The following FOXN3 variants were observed in gnomAD, a reference collection of about 807,000 sequenced individuals.
FOXN3 encodes forkhead box protein N3.
In FOXN3, 7 loss-of-function variants were observed where a neutral mutation model predicts 38.4. The ratio of observed to expected loss-of-function variants is 0.18; its 90% confidence interval spans 0.10 to 0.34. The LOEUF (loss-of-function observed/expected upper bound fraction) is 0.34, where lower values mean the gene tolerates loss of function less well. Among genes scored for constraint, FOXN3 ranks in the 10% least tolerant of loss-of-function variants. The pLI is 1.00. For missense variants in FOXN3, 456 were observed against 613.4 expected (o/e 0.74, Z 2.71); for synonymous variants, 230 against 242.2 (o/e 0.95, Z 0.47).
In FOXN3 at chr14:89,511,237, C is replaced by CTTTCT. The variant is rs1894074817; in HGVS notation, c.-14-98748_-14-98747insAGAAA. 3.1e-4 allele frequency among the ~76,000 whole-genome samples: 8 copies of CTTTCT among 25,756 alleles called. 1 individual carries two copies. Among genetic ancestry groups the CTTTCT allele is most frequent in the Admixed American group, 6.0e-4 (1 of 1,666 alleles). The allele number at this position is 25,756 out of a possible 152,430, so 16.9% of individuals were successfully genotyped here. A position where few individuals can be genotyped will look rare whatever the true frequency, so the allele number is the denominator to read the frequency against. On this transcript the variant is annotated intron_variant, in intron 1 of 6. Coordinates refer to the FOXN3 transcript ENST00000345097. ...TTTCTTTCTTTCTTTCTTTTCTTTC[C>CTTTCT]TTTTCTTTCTTTTCTTTCTTTCTTT...
intron 4 of FOXN3, among the ~76,000 whole-genome samples, chr14:89,229,839 C>T (rs1034025286): frequency 3.3e-5 from 5 of 152,200 alleles, no homozygotes; most frequent in African/African-American, 1.2e-4. Context: ...ACCGACCAAA[C>T]CGAAGGATGT....
At chr14:89,532,176 T>C (rs1894584671) in intron 1 of FOXN3, among the ~76,000 whole-genome samples, 1 of 152,140 alleles carries the variant, frequency 6.6e-6, no homozygotes, top group Non-Finnish European at 1.5e-5. Flanking sequence ...GCTTAGAGAA[T>C]GAGAAGTAAC....
At chr14:89,610,761 T>C (rs946408887) in intron 1 of FOXN3, among the ~76,000 whole-genome samples, 1 of 152,210 alleles carries the variant, frequency 6.6e-6, no homozygotes, top group Non-Finnish European at 1.5e-5. Context: ...ATCCCTATCA[T>C]AGGGCACAGT....
rs144264875 is a variant in FOXN3 at position 89,254,848 on chromosome 14, C to T, written c.745+26102G>A. Among the ~76,000 whole-genome samples, 831 of 152,294 alleles carry T rather than the reference C, an allele frequency of 5.5e-3. 1 individual carries two copies. The highest frequency in any genetic ancestry group is 8.1e-3 in the Non-Finnish European group (551 of 68,026). On this transcript the variant is annotated intron_variant, in intron 4 of 5. Coordinates refer to ENST00000557258, the MANE Select transcript of FOXN3 (RefSeq NM_005197.4). ...GAGTGCTCAAGGCCACCTTCTCTGA[C>T]CACACCTTTGCCACTGCGGCCCAGC...
At chr14:89,349,928 TA>T (rs1302662001) in intron 3 of FOXN3, among the ~76,000 whole-genome samples, 1 of 152,230 alleles carries the variant, frequency 6.6e-6, no homozygotes. Flanking sequence ...CATTTTTAAA[TA>T]TTTTTTTGTA....
intron 4 of FOXN3, among the ~76,000 whole-genome samples, chr14:89,267,717 T>C (rs945561818): frequency 1.3e-5 from 2 of 152,184 alleles, no homozygotes; most frequent in Non-Finnish European, 2.9e-5. Flanking sequence ...GACTCAAAAT[T>C]GTTCACAATG....
chr14:89,560,103 G>T (rs759902876), intron 1 of FOXN3, among the ~76,000 whole-genome samples: 20 of 152,214 alleles, frequency 1.3e-4, no homozygotes, highest in Admixed American at 5.9e-4. Flanking sequence ...AGGTGAAGGG[G>T]AAGCAGGCAA....
chr14:89,359,234 T>C (rs2140023263), intron 2 of FOXN3, among the ~76,000 whole-genome samples: 1 of 151,782 alleles, frequency 6.6e-6, no homozygotes, highest in East Asian at 1.9e-4. Context: ...AGGTGGAGGT[T>C]GCAGTGAGCC....
intron 4 of FOXN3, among the ~76,000 whole-genome samples, chr14:89,204,161 G>A (rs1475258549): frequency 6.6e-6 from 1 of 151,532 alleles, no homozygotes; most frequent in African/African-American, 2.4e-5. Flanking sequence ...AGAAACCCGA[G>A]CTTCAGGCAC....
At chr14:89,474,208 C>A (rs1384151309) in intron 1 of FOXN3, among the ~76,000 whole-genome samples, 1 of 152,136 alleles carries the variant, frequency 6.6e-6, no homozygotes, top group East Asian at 1.9e-4. Context: ...AATAACTATA[C>A]CATGATCTAA....
chr14:89,528,344 GA>G (rs1894472822), intron 1 of FOXN3, among the ~76,000 whole-genome samples: 1 of 131,444 alleles, frequency 7.6e-6, no homozygotes, highest in Non-Finnish European at 1.6e-5. Context: ...AAAGAGGATA[GA>G]AGTGTTCATC....
At chr14:89,529,646 G>T (rs763108660) in intron 1 of FOXN3, among the ~76,000 whole-genome samples, 3 of 152,180 alleles carry the variant, frequency 2.0e-5, no homozygotes, top group Non-Finnish European at 4.4e-5. Flanking sequence ...TCCTATCCAG[G>T]AAGGGGGCAT....
intron 2 of FOXN3, among the ~76,000 whole-genome samples, chr14:89,394,358 C>A (rs568405420): frequency 6.6e-6 from 1 of 152,010 alleles, no homozygotes; most frequent in East Asian, 1.9e-4. Flanking sequence ...TGCCCACCAC[C>A]ACGCCCAGCT....
intron 2 of FOXN3, among the ~76,000 whole-genome samples, chr14:89,406,228 T>C (rs1354344728): frequency 1.3e-5 from 2 of 151,662 alleles, no homozygotes; most frequent in African/African-American, 4.9e-5. Context: ...ATTACAGGTA[T>C]GAGCCACAGT....
At chr14:89,600,071 A>G (rs1209424058) in intron 1 of FOXN3, among the ~76,000 whole-genome samples, 1 of 152,138 alleles carries the variant, frequency 6.6e-6, no homozygotes, top group African/African-American at 2.4e-5. Flanking sequence ...TGGCTCTCCA[A>G]TTTTTCCAAA....
At chr14:89,558,613 G>A (rs563020933) in intron 1 of FOXN3, among the ~76,000 whole-genome samples, 1 of 152,366 alleles carries the variant, frequency 6.6e-6, no homozygotes, top group South Asian at 2.1e-4. Flanking sequence ...ACTGGACTAG[G>A]TGATGAGGAT....
chr14:89,293,792 T>C (rs1886951682), intron 3 of FOXN3, among the ~76,000 whole-genome samples: 1 of 152,070 alleles, frequency 6.6e-6, no homozygotes, highest in Non-Finnish European at 1.5e-5. Context: ...CCCCAGACAG[T>C]GGCTATTTCC....
chr14:89,477,588 G>A (rs1453273351), intron 1 of FOXN3, among the ~76,000 whole-genome samples: 8 of 152,146 alleles, frequency 5.3e-5, no homozygotes, highest in East Asian at 3.9e-4. Context: ...CTTCTTCCTC[G>A]GGCAGAGCAG....
intron 1 of FOXN3, among the ~76,000 whole-genome samples, chr14:89,444,612 C>T (rs768227131): frequency 6.6e-6 from 1 of 152,178 alleles, no homozygotes; most frequent in Non-Finnish European, 1.5e-5. Flanking sequence ...TACAACCCCA[C>T]AGAAAAACAG....
Sources: gnomAD v4.1 joint callset for allele counts (sites outside exome capture counted in the v4.1 genomes callset) on GRCh38, gnomAD v4.1.1 for gene constraint, MANE v1.5 for transcripts, NCBI Gene and HGNC (gene_info 2026-07-23, HGNC 2026-07-21) for gene names.